CCDC93: variants seen among roughly 807,000 people sequenced by gnomAD.
The protein encoded by CCDC93 is CCC complex scaffolding subunit CCDC93, also known as coiled-coil domain-containing protein 93.
In CCDC93, 61 loss-of-function variants were observed where a neutral mutation model predicts 108.2. That is an observed-to-expected ratio of 0.56 (90% CI 0.46 to 0.70). The LOEUF (loss-of-function observed/expected upper bound fraction) is 0.70. Ranked by LOEUF, CCDC93 falls within the 30% of genes least tolerant of loss-of-function variation. The probability of loss-of-function intolerance (pLI) is 0.00; values close to 1 mark genes in which losing one functional copy is unlikely to be tolerated. For synonymous variants in CCDC93, 276 were observed against 260.4 expected (o/e 1.06, Z -0.58); for missense variants, 685 against 764.2 (o/e 0.90, Z 1.22).
chr2:118,003,039 A>C (rs1676755068), intron 3 of CCDC93, among the ~76,000 whole-genome samples: 1 of 152,132 alleles, frequency 6.6e-6, no homozygotes, highest in Admixed American at 6.5e-5. Flanking sequence ...CTGTCTCTTA[A>C]AACAAAACAA....
At position 117,948,223 on chromosome 2, in the gene CCDC93, C is replaced by G. The variant is rs756150957; in HGVS notation, c.1143-37G>C. Reference sequence around the variant, plus strand: ...AGACAAAAAAATGACATATGGCAGGCCATTATGATTTTATGAATCGCAGCT... The same window carrying G: ...AGACAAAAAAATGACATATGGCAGGGCATTATGATTTTATGAATCGCAGCT... On this transcript the variant is annotated intron_variant, in intron 14 of 23. Coordinates refer to ENST00000376300, the MANE Select transcript of CCDC93 (RefSeq NM_019044.5). 4.0e-6 allele frequency: 6 copies of G among 1,486,788 alleles called. No individual in the cohort carries two copies. In the Admixed American group the frequency reaches 1.1e-4, roughly 26 times the overall value. 92.1% of individuals were successfully genotyped at this position (1,486,788 alleles called of 1,614,324 possible).
chr2:117,975,118 G>C (rs578122877), intron 9 of CCDC93, 70 bp downstream of exon 9: 18 of 1,374,842 alleles, frequency 1.3e-5, no homozygotes, highest in Middle Eastern at 1.8e-4. Context: ...GGGAACGCTA[G>C]GGATAAGAGT....
intron 23 of CCDC93, among the ~76,000 whole-genome samples, chr2:117,921,176 CAAAA>C (rs34197714): frequency 3.7e-4 from 28 of 76,020 alleles, no homozygotes; most frequent in Non-Finnish European, 5.1e-4. Flanking sequence ...GGCTCTGTCT[CAAAA>C]AAAAAAAAAA....
chr2:117,920,221 G>A lies in CCDC93; in HGVS notation c.*122C>T. 1 of 601,200 alleles carries A rather than the reference G, an allele frequency of 1.7e-6. No homozygotes were observed. The highest frequency in any genetic ancestry group is 2.9e-6 in the Non-Finnish European group (1 of 340,092). The allele number at this position is 601,200 out of a possible 1,614,324, so 37.2% of individuals were successfully genotyped here. On this transcript the variant is annotated 3_prime_UTR_variant, in exon 24 of 24. Coordinates refer to ENST00000376300, the MANE Select transcript of CCDC93 (RefSeq NM_019044.5). ...CAAAGAGGAGAAAGAAAACATCCAG[G>A]TTGTTGAAATCATCACAACTGCATC...
intron 13 of CCDC93, chr2:117,951,128 CA>C: frequency 1.0e-6 from 1 of 983,330 alleles, no homozygotes; most frequent in Non-Finnish European, 1.2e-6. Context: ...AAGCTGATAT[CA>C]AGATATTTTG....
At chr2:117,959,171 A>C (rs902336158) in intron 11 of CCDC93, among the ~76,000 whole-genome samples, 3 of 152,234 alleles carry the variant, frequency 2.0e-5, no homozygotes, top group Admixed American at 1.3e-4. Context: ...CCAGGAGGGC[A>C]AATGGCCATT....
chr2:118,013,662 C>T (rs1384017558), intron 1 of CCDC93, among the ~76,000 whole-genome samples: 2 of 152,168 alleles, frequency 1.3e-5, no homozygotes, highest in Non-Finnish European at 2.9e-5. Flanking sequence ...CCCAGGACCC[C>T]GCGGCGCGTG....
At chr2:117,951,819 G>T in intron 13 of CCDC93, 2 of 341,978 alleles carry the variant, frequency 5.8e-6, no homozygotes, top group Non-Finnish European at 8.6e-6. Context: ...ATGTGAAGTA[G>T]CACACTTGCA....
intron 6 of CCDC93, 111 bp from the exon 7 acceptor site, chr2:117,986,180 T>TTTTG: frequency 1.7e-6 from 1 of 602,400 alleles, no homozygotes; most frequent in East Asian, 2.9e-5. Context: ...TTTTTTTTTT[T>TTTTG]TTGAGACAGA....
chr2:118,006,615 A>C (rs562798413), intron 3 of CCDC93, 107 bp downstream of exon 3: 1 of 701,174 alleles, frequency 1.4e-6, no homozygotes, highest in South Asian at 1.6e-5. Flanking sequence ...TTGTAATAAA[A>C]GTTAAAATAA....
At chr2:117,962,535 T>C (rs1287942015) in intron 11 of CCDC93, among the ~76,000 whole-genome samples, 1 of 152,110 alleles carries the variant, frequency 6.6e-6, no homozygotes, top group East Asian at 1.9e-4. Flanking sequence ...CCCAGCTACT[T>C]GGGAGGCTGA....
chr2:117,990,066 T>C (rs1680430768), intron 6 of CCDC93, among the ~76,000 whole-genome samples: 1 of 152,220 alleles, frequency 6.6e-6, no homozygotes, highest in Non-Finnish European at 1.5e-5. Flanking sequence ...AAATAGTAAA[T>C]GAATGTATCT....
intron 22 of CCDC93, chr2:117,935,092 T>C (rs781654394): frequency 5.2e-5 from 8 of 154,378 alleles, no homozygotes; most frequent in South Asian, 2.1e-4. Context: ...ATGAATCTCT[T>C]GTGGCGGAAT....
intron 12 of CCDC93, among the ~76,000 whole-genome samples, chr2:117,953,885 C>A (rs566410853): frequency 1.3e-5 from 2 of 152,078 alleles, no homozygotes; most frequent in East Asian, 3.9e-4. Flanking sequence ...TGGAGTGAGA[C>A]CCTGTCTCAA....
At chr2:117,932,526 T>C (rs1462030705) in intron 22 of CCDC93, among the ~76,000 whole-genome samples, 1 of 152,210 alleles carries the variant, frequency 6.6e-6, no homozygotes, top group Non-Finnish European at 1.5e-5. Context: ...ATTCAGTTCC[T>C]GAGTCCCAAG....
chr2:117,953,770 T>C (rs1286215669), intron 12 of CCDC93, among the ~76,000 whole-genome samples: 3 of 150,682 alleles, frequency 2.0e-5, no homozygotes, highest in Non-Finnish European at 4.4e-5. Context: ...GTGGTGTTCC[T>C]GTGGTCCCGA....
At chr2:117,996,096 C>T (rs1680637154) in intron 5 of CCDC93, among the ~76,000 whole-genome samples, 168 bp downstream of exon 5, 1 of 152,090 alleles carries the variant, frequency 6.6e-6, no homozygotes, top group Admixed American at 6.6e-5. Flanking sequence ...GAGAAGATGA[C>T]AAAATTATAG....
At position 117,931,317 on chromosome 2, in the gene CCDC93, G is replaced by A. The variant is rs987365885; in HGVS notation, c.1729-167C>T. Reference sequence around the variant, plus strand: ...TGGTTAATTTATTTGCATATTACATGGAGGCTCTACAATTTATTCAGCAAT... The same window carrying A: ...TGGTTAATTTATTTGCATATTACATAGAGGCTCTACAATTTATTCAGCAAT... On this transcript the variant is annotated intron_variant, in intron 22 of 23. Coordinates refer to ENST00000376300, the MANE Select transcript of CCDC93 (RefSeq NM_019044.5). 13 of 558,350 alleles carry A rather than the reference G, an allele frequency of 2.3e-5. No homozygotes were observed. In the African/African-American group the frequency reaches 2.5e-4, roughly 11 times the overall value. The allele number at this position is 558,350 out of a possible 1,614,324, so 34.6% of individuals were successfully genotyped here. A position where few individuals can be genotyped will look rare whatever the true frequency, so the allele number is the denominator to read the frequency against.
At chr2:117,945,655 G>A in intron 16 of CCDC93, 73 bp from the exon 17 acceptor site, 5 of 1,310,244 alleles carry the variant, frequency 3.8e-6, no homozygotes, top group South Asian at 1.2e-5. Context: ...GGATCTAGAT[G>A]TAGGAAGGGG....
Sources: gnomAD v4.1 joint callset for allele counts (sites outside exome capture counted in the v4.1 genomes callset) on GRCh38, gnomAD v4.1.1 for gene constraint, MANE v1.5 for transcripts, NCBI Gene and HGNC (gene_info 2026-07-23, HGNC 2026-07-21) for gene names.